Variants in NDE1 observed in about 807,000 individuals in gnomAD.
NDE1 encodes nudE neurodevelopment protein 1, also known as nuclear distribution protein nudE homolog 1.
In NDE1, 28 loss-of-function variants were observed where a neutral mutation model predicts 43.4. The observed-to-expected ratio is 0.65, with a 90% CI of 0.48 to 0.89. The LOEUF (loss-of-function observed/expected upper bound fraction) is 0.89, where lower values mean the gene tolerates loss of function less well. NDE1 is among the 40% of genes least tolerant of loss of function. The probability of loss-of-function intolerance (pLI) is 0.00; values close to 1 mark genes in which losing one functional copy is unlikely to be tolerated. For synonymous variants in NDE1, 184 were observed against 172.0 expected (o/e 1.07, Z -0.55); for missense variants, 441 against 434.1 (o/e 1.02, Z -0.14).
intron 8 of NDE1, among the ~76,000 whole-genome samples, chr16:15,712,689 A>G (rs1173005997): frequency 6.6e-6 from 1 of 151,978 alleles, no homozygotes; most frequent in African/African-American, 2.4e-5. Context: ...ACAACCCCAC[A>G]GGTCGGGGGA....
chr16:15,686,240 C>T, intron 4 of NDE1: 2 of 429,522 alleles, frequency 4.7e-6, no homozygotes, highest in South Asian at 9.8e-5. Context: ...GCGTGAGCCA[C>T]CGTGTCCGGG....
chr16:15,722,957 T>C (rs2040562574), intron 8 of NDE1, among the ~76,000 whole-genome samples: 1 of 152,098 alleles, frequency 6.6e-6, no homozygotes, highest in Admixed American at 6.5e-5. Context: ...TTGGCCAGGC[T>C]GGTCTCAAAC....
rs748293115 is a variant in NDE1, at chr16:15,664,767, CCT to C, written c.-11_-10del. The C allele has an allele frequency of 8.8e-6, 14 of 1,597,766 alleles. No individual in the cohort carries two copies. The highest frequency in any genetic ancestry group is 1.7e-4 in the Middle Eastern group (1 of 6,038). ...TGCCACAAGGAGAGTGATCTCTTCC[CCT>C]GTTTTCACAATGGAGGACTCCGGAA... On this transcript the variant is annotated 5_prime_UTR_variant, in exon 2 of 9. Transcript: ENST00000396354.
At chr16:15,711,824 C>T (rs1364656852) in intron 8 of NDE1, among the ~76,000 whole-genome samples, 1 of 152,144 alleles carries the variant, frequency 6.6e-6, no homozygotes, top group Non-Finnish European at 1.5e-5. Flanking sequence ...TCCCTAGTAG[C>T]TGGGATTACA....
Position 15,667,416 on chromosome 16 carries a change from CG to C in NDE1, c.215del (p.Arg72ProfsTer71), listed in dbSNP as rs2037361714. Reference protein sequence around the residue: ...RDLLSENNRLRMELETIKEKF... With the variant: ...RDLLSENNRLXMELETIKEKF... Reference sequence around the variant, plus strand: ...CCTCCTGTCCGAAAATAACCGCCTTCGCATGGAGCTGGAAACCATCAAGGTG... The same window carrying C: ...CCTCCTGTCCGAAAATAACCGCCTTCCATGGAGCTGGAAACCATCAAGGTG... On this transcript the variant is annotated frameshift_variant, in exon 3 of 9. Transcript: ENST00000396354. LOFTEE classifies it high-confidence loss of function. 1 of 1,613,794 alleles carries C rather than the reference CG, an allele frequency of 6.2e-7. No individual in the cohort carries two copies. The highest frequency in any genetic ancestry group is 1.7e-5 in the Admixed American group (1 of 59,978).
intron 8 of NDE1, chr16:15,721,745 G>A (rs1271699575): frequency 1.5e-5 from 17 of 1,113,866 alleles, no homozygotes; most frequent in African/African-American, 3.1e-5. Flanking sequence ...AGGTGCAGGT[G>A]TAAGCAGTGT....
At chr16:15,717,730 A>T in intron 8 of NDE1, 1 of 326,126 alleles carries the variant, frequency 3.1e-6, no homozygotes, top group Non-Finnish European at 5.8e-6. Context: ...TGGGAGGCAG[A>T]GGTTGCAGTG....
intron 8 of NDE1, among the ~76,000 whole-genome samples, chr16:15,719,875 C>T (rs1257652751): frequency 2.0e-5 from 3 of 152,142 alleles, no homozygotes; most frequent in Admixed American, 6.5e-5. Context: ...GCTGGTGGTG[C>T]GCTGGGAGCA....
At chr16:15,672,315 C>T (rs905091602) in intron 3 of NDE1, among the ~76,000 whole-genome samples, 2 of 152,006 alleles carry the variant, frequency 1.3e-5, no homozygotes, top group Non-Finnish European at 2.9e-5. Flanking sequence ...CACCTGTAGT[C>T]CCAGCTACTC....
intron 8 of NDE1, chr16:15,721,498 T>G: frequency 6.2e-7 from 1 of 1,614,188 alleles, no homozygotes; most frequent in Non-Finnish European, 8.5e-7. Flanking sequence ...CCGCTCGAGT[T>G]CCTCTTTGGC....
chr16:15,659,425 C>CTTTTTTTTTTT (rs35091023), intron 1 of NDE1, among the ~76,000 whole-genome samples: 1 of 58,892 alleles, frequency 1.7e-5, no homozygotes, highest in Admixed American at 2.7e-4. Context: ...TGCACACAAT[C>CTTTTTTTTTTT]TTTTTTTTTT....
At chr16:15,722,510 CCCACACTATGTGTG>C in intron 8 of NDE1, among the ~76,000 whole-genome samples, 1 of 152,164 alleles carries the variant, frequency 6.6e-6, no homozygotes, top group Non-Finnish European at 1.5e-5. Context: ...ACACAAAAAT[CCCACACTATGTGTG>C]CCACTGCACT....
At chr16:15,702,434 A>C (rs2039251067) in intron 8 of NDE1, among the ~76,000 whole-genome samples, 1 of 152,070 alleles carries the variant, frequency 6.6e-6, no homozygotes, top group African/African-American at 2.4e-5. Context: ...ACTGTTACCT[A>C]GGCTGCAGTG....
intron 1 of NDE1, among the ~76,000 whole-genome samples, chr16:15,661,440 G>A (rs181552102): frequency 1.9e-4 from 28 of 150,996 alleles, no homozygotes; most frequent in South Asian, 6.3e-4. Flanking sequence ...GAGCCACCGC[G>A]CCCGGCCGAG....
chr16:15,708,368 G>T (rs1056109671), intron 8 of NDE1, among the ~76,000 whole-genome samples: 2 of 152,176 alleles, frequency 1.3e-5, no homozygotes, highest in South Asian at 4.1e-4. Context: ...ACGTTCTCCA[G>T]GAATGTGCCC....
chr16:15,707,720 C>G (rs1389151526), intron 8 of NDE1, among the ~76,000 whole-genome samples: 1 of 152,116 alleles, frequency 6.6e-6, no homozygotes, highest in Non-Finnish European at 1.5e-5. Flanking sequence ...GCTTGTAATC[C>G]CAGCATTTGG....
At chr16:15,701,675 A>G (rs1479536682) in intron 8 of NDE1, 1 of 152,226 alleles carries the variant, frequency 6.6e-6, no homozygotes, top group African/African-American at 2.4e-5. Flanking sequence ...ACGAGTTAAA[A>G]GAACACACTA....
chr16:15,703,593 G>A (rs1383621024), intron 8 of NDE1: 11 of 378,322 alleles, frequency 2.9e-5, no homozygotes, highest in Non-Finnish European at 5.0e-5. Flanking sequence ...AGTAGGGGTG[G>A]TGGTGGTGGT....
chr16:15,698,622 G>T (rs1414850799), intron 8 of NDE1, among the ~76,000 whole-genome samples: 9 of 152,132 alleles, frequency 5.9e-5, no homozygotes, highest in Non-Finnish European at 1.5e-5. Context: ...ACTTTGGGAG[G>T]CAGAAGTGGG....
Sources: gnomAD v4.1 joint callset for allele counts (sites outside exome capture counted in the v4.1 genomes callset) on GRCh38, gnomAD v4.1.1 for gene constraint, MANE v1.5 for transcripts, NCBI Gene and HGNC (gene_info 2026-07-23, HGNC 2026-07-21) for gene names.